Variants in OTC observed in about 807,000 individuals in gnomAD.
The protein encoded by OTC is ornithine transcarbamylase.
In OTC, 3 loss-of-function variants were observed where a neutral mutation model predicts 30.3. The ratio of observed to expected loss-of-function variants is 0.10; its 90% CI spans 0.05 to 0.26. The LOEUF (loss-of-function observed/expected upper bound fraction) is 0.26, where lower values mean the gene tolerates loss of function less well. Ranked by LOEUF, OTC falls within the 10% of genes least tolerant of loss-of-function variation. The pLI is 1.00. For synonymous variants in OTC, 111 were observed against 99.7 expected (o/e 1.11, Z -0.67); for missense variants, 194 against 260.3 (o/e 0.75, Z 1.75).
the OTC span, among the ~76,000 whole-genome samples, chrX:38,338,938 C>G: frequency 3.6e-5 from 4 of 112,053 alleles, no homozygotes; most frequent in African/African-American, 1.3e-4. Flanking sequence ...AGATCCAAAG[C>G]CCCAGGTGGG....
At chrX:38,334,475 C>T in the OTC span, among the ~76,000 whole-genome samples, 1 of 111,632 alleles carries the variant, frequency 9.0e-6, no homozygotes, top group Admixed American at 9.5e-5. Context: ...AGTCAGCTTT[C>T]CTGGGTAGAT....
intron 4 of OTC, among the ~76,000 whole-genome samples, chrX:38,384,239 AG>A (rs1466218246): frequency 8.9e-6 from 1 of 111,865 alleles, no homozygotes; most frequent in African/African-American, 3.3e-5. Context: ...GGTGCAATTA[AG>A]GAGGGGGAGG....
At chrX:38,340,791 T>A in the OTC span, among the ~76,000 whole-genome samples, 15 of 109,044 alleles carry the variant, frequency 1.4e-4, no homozygotes, top group African/African-American at 4.8e-4. Flanking sequence ...GTTTTGTCAG[T>A]TTCTGATTTT....
chrX:38,408,658 GA>G (rs2068527481), intron 6 of OTC, 83 bp from the exon 7 acceptor site: 9 of 626,277 alleles, frequency 1.4e-5, no homozygotes, highest in Non-Finnish European at 2.0e-5. Flanking sequence ...AAGGAGACGC[GA>G]TATTGAAAAG....
intron 6 of OTC, among the ~76,000 whole-genome samples, chrX:38,407,390 T>C (rs1194442434): frequency 2.7e-5 from 3 of 112,057 alleles, no homozygotes; most frequent in African/African-American, 9.7e-5. Flanking sequence ...TCATGATTAT[T>C]CCTGGAGGGG....
Position 38,403,735 on chromosome X carries a change from C to T in OTC, c.658C>T (p.Pro220Ser). 1 of 1,210,906 alleles carries T rather than the reference C, an allele frequency of 8.3e-7. No homozygotes were observed. The highest frequency in any genetic ancestry group is 1.1e-6 in the Non-Finnish European group (1 of 894,822). The change falls in exon 6 of 10, where the codon CCA becomes TCA. Residue 220 changes from proline to serine, a missense_variant. Coordinates refer to ENST00000039007, the MANE Select transcript of OTC (RefSeq NM_000531.6). ...CGGAATGCACCTTCAGGCAGCTACT[C>T]CAAAGGTAGGGAAACTTTTTGCCTT... is the stretch of plus-strand genomic sequence containing the variant. ...KFGMHLQAAT[P>S]KGYEPDASVT... is the part of the protein sequence containing the mutation.
chrX:38,391,810 T>C (rs981695123), intron 4 of OTC, among the ~76,000 whole-genome samples: 1 of 111,453 alleles, frequency 9.0e-6, no homozygotes, highest in African/African-American at 3.3e-5. Flanking sequence ...CTAAGAAGAC[T>C]TGGGGCATTT....
chrX:38,328,628 TCTTG>T, the OTC span, among the ~76,000 whole-genome samples: 16 of 111,598 alleles, frequency 1.4e-4, no homozygotes, highest in Non-Finnish European at 2.3e-4. Flanking sequence ...GGTGGCAAGG[TCTTG>T]GGCCTATTAA....
At chrX:38,331,441 T>TTG in the OTC span, among the ~76,000 whole-genome samples, 8 of 68,922 alleles carry the variant, frequency 1.2e-4, no homozygotes, top group African/African-American at 4.8e-4. Flanking sequence ...GTTTTTTTTT[T>TTG]GTTTTTTTTT....
the OTC span, among the ~76,000 whole-genome samples, chrX:38,340,739 A>G: frequency 9.0e-6 from 1 of 110,655 alleles, no homozygotes; most frequent in African/African-American, 3.3e-5. Flanking sequence ...ACGTTCCATT[A>G]TAAATCTAAC....
chrX:38,379,986 T>C (rs1274357524), intron 3 of OTC, among the ~76,000 whole-genome samples: 2 of 112,196 alleles, frequency 1.8e-5, no homozygotes, highest in Admixed American at 1.9e-4. Flanking sequence ...ATTGTTAATA[T>C]GTTGCCTTCT....
chrX:38,403,854 A>C, intron 6 of OTC, 114 bp downstream of exon 6: 1 of 823,492 alleles, frequency 1.2e-6, no homozygotes, highest in Non-Finnish European at 1.8e-6. Context: ...GTGAGGCCAC[A>C]GAATTTAGGT....
At chrX:38,367,044 G>T (rs1366897268) in intron 1 of OTC, among the ~76,000 whole-genome samples, 1 of 110,474 alleles carries the variant, frequency 9.1e-6, no homozygotes, top group Non-Finnish European at 1.9e-5. Flanking sequence ...CAGGCTTGGT[G>T]GCATGTGCTT....
At chrX:38,328,519 G>C in the OTC span, among the ~76,000 whole-genome samples, 1 of 112,117 alleles carries the variant, frequency 8.9e-6, no homozygotes, top group Non-Finnish European at 1.9e-5. Flanking sequence ...AAGCCAGGAG[G>C]GGGAGAGAGC....
intron 3 of OTC, among the ~76,000 whole-genome samples, chrX:38,371,449 C>A (rs2068322653): frequency 9.0e-6 from 1 of 111,521 alleles, no homozygotes. Context: ...GGAGGAAGTA[C>A]CGCAAACAAA....
intron 1 of OTC, among the ~76,000 whole-genome samples, chrX:38,360,830 T>C (rs1236049463): frequency 8.9e-6 from 1 of 112,362 alleles, no homozygotes; most frequent in Non-Finnish European, 1.9e-5. Flanking sequence ...AATCACCATG[T>C]AAATAACACA....
intron 3 of OTC, among the ~76,000 whole-genome samples, chrX:38,381,124 T>C (rs756857015): frequency 7.5e-4 from 84 of 112,143 alleles, no homozygotes; most frequent in Non-Finnish European, 1.5e-3. Flanking sequence ...GGTGGAGAAA[T>C]GGGCACACAT....
chrX:38,416,126 G>A (rs907945154), intron 9 of OTC, among the ~76,000 whole-genome samples: 1 of 112,082 alleles, frequency 8.9e-6, no homozygotes, highest in Admixed American at 9.5e-5. Flanking sequence ...TGAGATGCCT[G>A]TAATGACTGA....
At chrX:38,420,880 G>A in intron 9 of OTC, 143 bp from the exon 10 acceptor site, 1 of 479,115 alleles carries the variant, frequency 2.1e-6, no homozygotes, top group Non-Finnish European at 3.7e-6. Context: ...TATTAGTTCA[G>A]AACTGTTCTC....
Sources: gnomAD v4.1 joint callset for allele counts (sites outside exome capture counted in the v4.1 genomes callset) on GRCh38, gnomAD v4.1.1 for gene constraint, MANE v1.5 for transcripts, NCBI Gene and HGNC (gene_info 2026-07-23, HGNC 2026-07-21) for gene names.